The following DNM3 variants were observed in gnomAD, a reference collection of about 807,000 sequenced individuals.
DNM3 encodes dynamin-3.
DNM3 carries 47 observed loss-of-function variants against 101.6 expected under a neutral mutation model. The observed-to-expected ratio is 0.46, with a 90% CI of 0.37 to 0.59. The LOEUF (loss-of-function observed/expected upper bound fraction) is 0.59. DNM3 is among the 20% of genes least tolerant of loss of function. DNM3 has a pLI of 0.00. For synonymous variants in DNM3, 385 were observed against 387.9 expected (o/e 0.99, Z 0.09); for missense variants, 849 against 1,085.7 (o/e 0.78, Z 3.06).
At chr1:172,050,023 C>T (rs998138516) in intron 10 of DNM3, among the ~76,000 whole-genome samples, 3 of 152,142 alleles carry the variant, frequency 2.0e-5, no homozygotes, top group African/African-American at 7.2e-5. Context: ...ATTTCCTAAA[C>T]TCCTGGTTTC....
intron 9 of DNM3, among the ~76,000 whole-genome samples, chr1:172,048,284 A>T (rs1558482079): frequency 6.6e-6 from 1 of 152,190 alleles, no homozygotes; most frequent in Non-Finnish European, 1.5e-5. Flanking sequence ...TTTAGTGTAT[A>T]AAAAGTGAAG....
At chr1:172,185,030 G>T (rs1195253687) in intron 14 of DNM3, among the ~76,000 whole-genome samples, 2 of 152,102 alleles carry the variant, frequency 1.3e-5, no homozygotes, top group Non-Finnish European at 2.9e-5. Flanking sequence ...AAAAAAAAGG[G>T]AGGCTGGAAA....
intron 15 of DNM3, among the ~76,000 whole-genome samples, chr1:172,307,384 G>A (rs1277939104): frequency 6.6e-6 from 1 of 152,224 alleles, no homozygotes; most frequent in Non-Finnish European, 1.5e-5. Flanking sequence ...ACAGATGCTG[G>A]AGAGGATGTG....
Position 172,411,079 on chromosome 1 carries a change from T to C in DNM3, c.*3238T>C. On this transcript the variant is annotated 3_prime_UTR_variant, in exon 21 of 21. Transcript: ENST00000627582. Reference sequence around the variant, plus strand: ...AGCATGAGTGTGATTGTATGTGCACTGTGTGTATATATATAAATATATGTA... The same window carrying C: ...AGCATGAGTGTGATTGTATGTGCACCGTGTGTATATATATAAATATATGTA... 2.0e-6 allele frequency: 2 copies of C among 984,490 alleles called. No individual in the cohort carries two copies. The highest frequency in any genetic ancestry group is 2.4e-6 in the Non-Finnish European group (2 of 829,100). The allele number at this position is 984,490 out of a possible 1,614,324, so 61.0% of individuals were successfully genotyped here.
At chr1:172,071,451 C>T (rs766795989) in intron 11 of DNM3, among the ~76,000 whole-genome samples, 9 of 151,972 alleles carry the variant, frequency 5.9e-5, no homozygotes, top group Non-Finnish European at 1.0e-4. Context: ...ATGGATCTCG[C>T]ATTTGAATTC....
intron 14 of DNM3, among the ~76,000 whole-genome samples, chr1:172,196,151 A>G (rs1375874089): frequency 1.3e-5 from 2 of 151,658 alleles, no homozygotes; most frequent in Admixed American, 1.3e-4. Context: ...GTGAGAACAT[A>G]TGGTATTTGG....
chr1:171,859,107 G>C (rs1282651039), intron 1 of DNM3, among the ~76,000 whole-genome samples: 1 of 152,058 alleles, frequency 6.6e-6, no homozygotes, highest in Admixed American at 6.6e-5. Context: ...GTCATACAAG[G>C]CCCTGTGTAG....
intron 15 of DNM3, among the ~76,000 whole-genome samples, chr1:172,253,984 C>T (rs985797234): frequency 6.6e-6 from 1 of 151,998 alleles, no homozygotes; most frequent in Non-Finnish European, 1.5e-5. Context: ...CTTTGTCATC[C>T]AGACCGGAAT....
At chr1:172,343,604 G>C (rs534082495) in intron 17 of DNM3, among the ~76,000 whole-genome samples, 1 of 152,094 alleles carries the variant, frequency 6.6e-6, no homozygotes, top group Non-Finnish European at 1.5e-5. Context: ...CAGAGGAGTC[G>C]AGTGCAGTGT....
intron 1 of DNM3, among the ~76,000 whole-genome samples, chr1:171,878,660 C>CA (rs1245258814): frequency 6.6e-6 from 1 of 151,968 alleles, no homozygotes; most frequent in Non-Finnish European, 1.5e-5. Flanking sequence ...GCCAGGTGGC[C>CA]ATAACTTTAT....
At chr1:172,381,175 AC>A (rs754435504) in intron 18 of DNM3, among the ~76,000 whole-genome samples, 70 of 152,038 alleles carry the variant, frequency 4.6e-4, no homozygotes, top group Non-Finnish European at 4.4e-5. Context: ...AAATGGCTAA[AC>A]CTCCACCTAC....
chr1:172,109,830 T>G lies in DNM3; in HGVS notation c.1545+16955T>G, dbSNP rs75731213. 3.7e-4 allele frequency among the ~76,000 whole-genome samples: 57 copies of G among 152,316 alleles called. 1 individual carries two copies. The East Asian group carries it at 0.011, about 28-fold the overall frequency. On this transcript the variant is annotated intron_variant, in intron 13 of 20. Transcript: ENST00000627582. ...TATTAAGTTTCCTCCTGGAGTATCT[T>G]GAGTTACAGCCAATTTTCAGTTAGC...
chr1:171,844,254 A>G (rs114542351), intron 1 of DNM3, among the ~76,000 whole-genome samples: 1 of 152,210 alleles, frequency 6.6e-6, no homozygotes, highest in Non-Finnish European at 1.5e-5. Context: ...GGAATTTTGC[A>G]ATAAAAACAG....
chr1:172,240,162 C>T (rs2061697131), intron 14 of DNM3, among the ~76,000 whole-genome samples: 1 of 152,112 alleles, frequency 6.6e-6, no homozygotes, highest in East Asian at 1.9e-4. Flanking sequence ...CAGAATACAC[C>T]TCACAGAATC....
intron 13 of DNM3, among the ~76,000 whole-genome samples, chr1:172,126,457 T>C (rs949910547): frequency 6.6e-5 from 10 of 152,192 alleles, no homozygotes; most frequent in African/African-American, 2.4e-4. Context: ...TCTTTGAAAA[T>C]TTTAACTGTT....
chr1:172,133,821 A>T (rs11584244), intron 14 of DNM3, among the ~76,000 whole-genome samples: 31,556 of 152,130 alleles, frequency 0.21, 4,365 homozygotes, highest in Non-Finnish European at 0.31. Context: ...ATGGGATCCA[A>T]CAGGAAGTCT....
At chr1:172,042,883 G>A (rs1274791263) in intron 8 of DNM3, among the ~76,000 whole-genome samples, 1 of 152,156 alleles carries the variant, frequency 6.6e-6, no homozygotes, top group East Asian at 1.9e-4. Flanking sequence ...GACTTGATTT[G>A]TTGATGATTT....
chr1:172,106,324 G>A (rs1353199596), intron 13 of DNM3, among the ~76,000 whole-genome samples: 1 of 152,130 alleles, frequency 6.6e-6, no homozygotes, highest in Non-Finnish European at 1.5e-5. Flanking sequence ...AGGAGGCTGA[G>A]GCAGGAGAAT....
intron 14 of DNM3, among the ~76,000 whole-genome samples, chr1:172,151,181 A>C (rs1223980270): frequency 1.3e-5 from 2 of 152,194 alleles, no homozygotes; most frequent in Non-Finnish European, 2.9e-5. Flanking sequence ...TTAAGGTAAT[A>C]TTATTTTAAG....
Sources: allele counts gnomAD v4.1 joint callset (sites outside exome capture counted in the v4.1 genomes callset), GRCh38; gene constraint gnomAD v4.1.1; transcripts MANE v1.5; gene names NCBI Gene and HGNC (gene_info 2026-07-23, HGNC 2026-07-21).